The following NKAIN2 variants were observed in gnomAD, a reference collection of about 807,000 sequenced individuals.
NKAIN2 encodes sodium/potassium-transporting ATPase subunit beta-1-interacting protein 2.
A neutral mutation model predicts 32.6 loss-of-function variants in NKAIN2; 14 were observed. The ratio of observed to expected loss-of-function variants is 0.43; its 90% CI spans 0.28 to 0.67. The LOEUF is 0.67. Among genes scored for constraint, NKAIN2 ranks in the 30% least tolerant of loss-of-function variants. The pLI, the probability that NKAIN2 is intolerant of heterozygous loss-of-function variation, is 0.17. For synonymous variants in NKAIN2, 80 were observed against 87.2 expected, an observed-to-expected ratio of 0.92 and a Z score of 0.46; for missense variants, 198 against 258.3, an observed-to-expected ratio of 0.77 and a Z score of 1.60.
In NKAIN2 at chr6:124,061,821, C is replaced by CT. The variant is rs112583870; in HGVS notation, c.55-221179dup. ...TAATCTCCAGAGCTTTTAAAAAATA[C>CT]TTTTTCACGTAAGAAAACTTAGAAA... On this transcript the variant is annotated intron_variant, in intron 1 of 6. Transcript: ENST00000368417. Among the ~76,000 whole-genome samples the CT allele has an allele frequency of 9.0e-3, 1,372 of 152,066 alleles. 20 individuals are homozygous for CT. Among genetic ancestry groups the CT allele is most frequent in the African/African-American group, 0.031 (1,306 of 41,468 alleles).
intron 1 of NKAIN2, among the ~76,000 whole-genome samples, chr6:123,808,840 A>G (rs1425870627): frequency 6.6e-6 from 1 of 152,220 alleles, no homozygotes; most frequent in Non-Finnish European, 1.5e-5. Context: ...CAGGAATTTC[A>G]GAGTGGAAGT....
chr6:124,039,060 A>C (rs565673422), intron 1 of NKAIN2, among the ~76,000 whole-genome samples: 215 of 152,264 alleles, frequency 1.4e-3, no homozygotes, highest in Non-Finnish European at 2.6e-3. Flanking sequence ...ACATTCTTAC[A>C]TAGGATCTTT....
intron 1 of NKAIN2, among the ~76,000 whole-genome samples, chr6:124,240,951 T>G (rs921171844): frequency 3.3e-5 from 5 of 152,100 alleles, no homozygotes; most frequent in Non-Finnish European, 5.9e-5. Context: ...GGAGTCAAAT[T>G]GCCTCTGTTT....
chr6:124,800,858 T>C (rs1160934824), intron 5 of NKAIN2, among the ~76,000 whole-genome samples: 1 of 152,176 alleles, frequency 6.6e-6, no homozygotes, highest in African/African-American at 2.4e-5. Context: ...TGTTTGTTTA[T>C]AGGATTAATT....
intron 1 of NKAIN2, among the ~76,000 whole-genome samples, chr6:123,874,673 A>G (rs1773081011): frequency 6.6e-6 from 1 of 152,186 alleles, no homozygotes; most frequent in Non-Finnish European, 1.5e-5. Flanking sequence ...AATGAGATGC[A>G]AAAATATTAT....
chr6:124,524,714 AT>A (rs1779247933), intron 3 of NKAIN2, among the ~76,000 whole-genome samples: 1 of 152,178 alleles, frequency 6.6e-6, no homozygotes. Context: ...TCCTGTTTCA[AT>A]TTTTTGAATT....
Position 124,040,388 on chromosome 6 carries a change from CT to C in NKAIN2, c.54+236136del, listed in dbSNP as rs950468016. Among the ~76,000 whole-genome samples the C allele has an allele frequency of 8.6e-5, 13 of 151,674 alleles. No individual in the cohort carries two copies. In the East Asian group the frequency reaches 2.5e-3, roughly 29 times the overall value. On this transcript the variant is annotated intron_variant, in intron 1 of 6. Transcript: ENST00000368417. ...AATACATTATATAGTTATTTTCATT[CT>C]TATTTGTGTATTAAGTATGTCTGAA...
chr6:124,300,680 C>T (rs1489756859), intron 2 of NKAIN2, among the ~76,000 whole-genome samples: 2 of 152,082 alleles, frequency 1.3e-5, no homozygotes, highest in South Asian at 2.1e-4. Context: ...AGGTCCAGGC[C>T]GAGGTGGTCT....
intron 1 of NKAIN2, among the ~76,000 whole-genome samples, chr6:123,859,996 C>T (rs547086619): frequency 2.6e-5 from 4 of 152,216 alleles, no homozygotes; most frequent in African/African-American, 9.6e-5. Flanking sequence ...TGGCCCTGTT[C>T]GCTTTTGAGA....
chr6:124,369,258 TTTA>T (rs1799651321), intron 3 of NKAIN2, among the ~76,000 whole-genome samples: 1 of 152,184 alleles, frequency 6.6e-6, no homozygotes, highest in Non-Finnish European at 1.5e-5. Context: ...CTTGTATAGG[TTTA>T]TTATTTATGG....
Position 124,095,447 on chromosome 6 carries a change from TA to T in NKAIN2, c.55-187555del, listed in dbSNP as rs553775172. On this transcript the variant is annotated intron_variant, in intron 1 of 6. Transcript: ENST00000368417. ...TTACGTACATGTATTTATTTTTAACTAAATGTTAGTACAATTATTATAAAAA... is the reference window on the plus strand; with the variant it reads ...TTACGTACATGTATTTATTTTTAACTAATGTTAGTACAATTATTATAAAAA... Among the ~76,000 whole-genome samples, 31 of 152,292 alleles carry T rather than the reference TA, an allele frequency of 2.0e-4. No homozygotes were observed. In the East Asian group the frequency reaches 5.2e-3, roughly 26 times the overall value.
intron 1 of NKAIN2, among the ~76,000 whole-genome samples, chr6:124,083,755 C>T (rs1784074301): frequency 1.3e-5 from 2 of 151,710 alleles, no homozygotes; most frequent in African/African-American, 4.8e-5. Flanking sequence ...AATGCTTTCT[C>T]ACATGTGTCT....
Position 124,478,668 on chromosome 6 carries a change from C to T in NKAIN2, c.273+123321C>T, listed in dbSNP as rs537625430. Among the ~76,000 whole-genome samples, 6 of 152,232 alleles carry T rather than the reference C, an allele frequency of 3.9e-5. 1 individual carries two copies. In the South Asian group the frequency reaches 1.0e-3, roughly 26 times the overall value. On this transcript the variant is annotated intron_variant, in intron 3 of 6. Coordinates refer to ENST00000368417, the MANE Select transcript of NKAIN2 (RefSeq NM_001040214.3). ...AGGTATAAAGTAAATATCTCTAAGT[C>T]TATTCTGATATAAGTAAATGATTGA... is the stretch of plus-strand genomic sequence containing the variant.
intron 5 of NKAIN2, among the ~76,000 whole-genome samples, chr6:124,799,404 T>C (rs747692941): frequency 1.3e-5 from 2 of 152,238 alleles, no homozygotes; most frequent in Non-Finnish European, 2.9e-5. Flanking sequence ...CATTCACTTC[T>C]TATTTTCTTT....
At chr6:124,296,820 C>T (rs1364840586) in intron 2 of NKAIN2, among the ~76,000 whole-genome samples, 1 of 152,146 alleles carries the variant, frequency 6.6e-6, no homozygotes, top group Non-Finnish European at 1.5e-5. Flanking sequence ...TCAATTAAGA[C>T]CCAGAACCTT....
intron 1 of NKAIN2, among the ~76,000 whole-genome samples, chr6:124,246,230 G>A (rs1251883273): frequency 6.6e-6 from 1 of 151,988 alleles, no homozygotes; most frequent in Non-Finnish European, 1.5e-5. Flanking sequence ...TTCCCCCACA[G>A]TGCCACTAGG....
rs57291995 is a variant in NKAIN2, at chr6:124,153,934, C to CTTT, written c.55-129063_55-129061dup. Among the ~76,000 whole-genome samples, 695 of 146,976 alleles carry CTTT rather than the reference C, an allele frequency of 4.7e-3. 4 individuals carry two copies. Among genetic ancestry groups the CTTT allele is most frequent in the South Asian group, 0.011 (53 of 4,700 alleles). On this transcript the variant is annotated intron_variant, in intron 1 of 6. Transcript: ENST00000368417. The stretch of plus-strand genomic sequence containing the variant: ...GAAAGCATTCATATGTTATCTATTC[C>CTTT]TTTTTTTTTTGTAGTTATTTCTTAT...
intron 1 of NKAIN2, among the ~76,000 whole-genome samples, chr6:123,892,901 T>C (rs1774090841): frequency 6.6e-6 from 1 of 151,456 alleles, no homozygotes; most frequent in African/African-American, 2.4e-5. Flanking sequence ...TTGATATTGA[T>C]TGAGCTCAAT....
At chr6:124,148,239 T>A (rs1366778285) in intron 1 of NKAIN2, among the ~76,000 whole-genome samples, 3 of 152,160 alleles carry the variant, frequency 2.0e-5, no homozygotes, top group African/African-American at 7.2e-5. Context: ...ACATTTTAAA[T>A]AATAGCTTTA....
Sources: allele counts gnomAD v4.1 joint callset (sites outside exome capture counted in the v4.1 genomes callset), GRCh38; gene constraint gnomAD v4.1.1; transcripts MANE v1.5; gene names NCBI Gene and HGNC (gene_info 2026-07-23, HGNC 2026-07-21).